SULF1: variants seen among roughly 807,000 people sequenced by gnomAD.
SULF1 encodes sulfatase 1.
A neutral mutation model predicts 110.5 loss-of-function variants in SULF1; 46 were observed. The ratio of observed to expected loss-of-function variants is 0.42; its 90% confidence interval spans 0.33 to 0.53. The LOEUF is 0.53. Ranked by LOEUF, SULF1 falls within the 20% of genes least tolerant of loss-of-function variation. The probability of loss-of-function intolerance (pLI) is 0.12; values close to 1 mark genes in which losing one functional copy is unlikely to be tolerated. For synonymous variants in SULF1, 371 were observed against 387.1 expected, an observed-to-expected ratio of 0.96 and a Z score of 0.49; for missense variants, 941 against 1,094.2, an observed-to-expected ratio of 0.86 and a Z score of 1.98.
chr8:69,626,603 G>A (rs575728698), intron 15 of SULF1, among the ~76,000 whole-genome samples: 2 of 152,368 alleles, frequency 1.3e-5, no homozygotes, highest in African/African-American at 4.8e-5. Context: ...CAGGCATGGC[G>A]GGCTGCAGTC....
At chr8:69,641,515 C>T (rs966009419) in intron 22 of SULF1, among the ~76,000 whole-genome samples, 20 of 151,934 alleles carry the variant, frequency 1.3e-4, no homozygotes, top group South Asian at 4.2e-4. Context: ...GGAGCCCAAG[C>T]GGGAGGATTG....
intron 3 of SULF1, among the ~76,000 whole-genome samples, chr8:69,553,353 A>C (rs1814865475): frequency 6.6e-6 from 1 of 152,200 alleles, no homozygotes; most frequent in Admixed American, 6.5e-5. Context: ...TGTGTTTTCA[A>C]CCCTGATTGA....
chr8:69,573,798 G>T (rs1383972823), intron 5 of SULF1, among the ~76,000 whole-genome samples: 1 of 152,162 alleles, frequency 6.6e-6, no homozygotes, highest in Non-Finnish European at 1.5e-5. Flanking sequence ...CTAAAATGGG[G>T]TTTTAAAATC....
intron 15 of SULF1, among the ~76,000 whole-genome samples, chr8:69,625,521 T>C (rs1299742348): frequency 6.6e-6 from 1 of 152,020 alleles, no homozygotes; most frequent in Non-Finnish European, 1.5e-5. Flanking sequence ...GTGTTCGGAG[T>C]TTCTTCCTTC....
intron 3 of SULF1, among the ~76,000 whole-genome samples, chr8:69,514,992 C>T (rs1350862230): frequency 1.3e-5 from 2 of 152,144 alleles, no homozygotes; most frequent in African/African-American, 2.4e-5. Flanking sequence ...CACAGGCTAG[C>T]ATTGAGTGCC....
Position 69,587,465 on chromosome 8 carries a change from C to A in SULF1, c.564+957C>A, listed in dbSNP as rs1806550428. Among the ~76,000 whole-genome samples the A allele has an allele frequency of 2.0e-5, 3 of 152,118 alleles. 1 individual carries two copies. Among genetic ancestry groups the A allele is most frequent in the Non-Finnish European group, 2.9e-5 (2 of 68,030 alleles). On this transcript the variant is annotated intron_variant, in intron 7 of 22. Coordinates refer to ENST00000402687, the MANE Select transcript of SULF1 (RefSeq NM_001128205.2). Reference sequence around the variant, plus strand: ...TAAGATTAAGTCCAGCTCCTTTATACCCTTCAGAAAACAATGAATGCAAAT... The same window carrying A: ...TAAGATTAAGTCCAGCTCCTTTATAACCTTCAGAAAACAATGAATGCAAAT...
chr8:69,567,590 T>G (rs369136138), intron 5 of SULF1, among the ~76,000 whole-genome samples: 38 of 152,352 alleles, frequency 2.5e-4, no homozygotes, highest in African/African-American at 7.9e-4. Flanking sequence ...ATACAGCATT[T>G]ATCTTTTTAT....
At chr8:69,657,865 T>C (rs1364973987) in intron 22 of SULF1, among the ~76,000 whole-genome samples, 1 of 152,214 alleles carries the variant, frequency 6.6e-6, no homozygotes, top group Non-Finnish European at 1.5e-5. Flanking sequence ...GCTGGTGCCT[T>C]CTTTGCATAT....
At chr8:69,536,824 G>A (rs1336123103) in intron 3 of SULF1, among the ~76,000 whole-genome samples, 2 of 152,150 alleles carry the variant, frequency 1.3e-5, no homozygotes, top group African/African-American at 2.4e-5. Context: ...AGTGGTAACT[G>A]CCAGGAAGTC....
Position 69,621,151 on chromosome 8 carries a change from T to C in SULF1, c.1494T>C (p.His498=), listed in dbSNP as rs375512132. ...STRNLYARGF[H]DKDKECSCRE... is the part of the protein sequence containing the mutation. ...GGAACCTCTACGCTCGCGGCTTCCA[T>C]GACAAAGACAAAGAGTGCAGTTGTA... is the stretch of plus-strand genomic sequence containing the variant. Residue 498 remains histidine (H), a synonymous_variant, in exon 14 of 23, where the codon CAT becomes CAC. Transcript: ENST00000402687. 6 of 1,614,142 alleles carry C rather than the reference T, an allele frequency of 3.7e-6. No homozygotes were observed. The highest frequency in any genetic ancestry group is 5.1e-6 in the Non-Finnish European group (6 of 1,180,010).
intron 22 of SULF1, among the ~76,000 whole-genome samples, chr8:69,650,349 C>T (rs898937393): frequency 1.3e-5 from 2 of 151,978 alleles, no homozygotes; most frequent in African/African-American, 2.4e-5. Flanking sequence ...AGAGATTTCC[C>T]GGCCAGATAT....
chr8:69,525,668 C>T (rs1274896329), intron 3 of SULF1, among the ~76,000 whole-genome samples: 1 of 152,192 alleles, frequency 6.6e-6, no homozygotes, highest in Non-Finnish European at 1.5e-5. Context: ...TCGTGGACTT[C>T]ATCTGAAATG....
rs573027959 is a variant in SULF1 at position 69,631,699 on chromosome 8, G to T, written c.2284+2020G>T. On this transcript the variant is annotated intron_variant, in intron 19 of 22. Coordinates refer to ENST00000402687, the MANE Select transcript of SULF1 (RefSeq NM_001128205.2). ...TCTCTTTATTCCACAAGCATCTCAA[G>T]CTCCCTCTCGCCATGGGGCCTTTGC... Among the ~76,000 whole-genome samples the T allele has an allele frequency of 5.5e-4, 84 of 152,320 alleles. No homozygotes were observed. The Middle Eastern group carries it at 0.01, about 19-fold the overall frequency.
At chr8:69,510,030 A>G (rs940568079) in intron 3 of SULF1, among the ~76,000 whole-genome samples, 1 of 152,252 alleles carries the variant, frequency 6.6e-6, no homozygotes, top group Admixed American at 6.5e-5. Context: ...AATTCTGACT[A>G]TAAAAACATT....
At chr8:69,635,465 A>G (rs1026054111) in intron 19 of SULF1, among the ~76,000 whole-genome samples, 2 of 152,234 alleles carry the variant, frequency 1.3e-5, no homozygotes, top group East Asian at 1.9e-4. Context: ...ATAGTCTATT[A>G]AAATAATTTT....
intron 3 of SULF1, among the ~76,000 whole-genome samples, chr8:69,562,255 A>C (rs1254107178): frequency 6.6e-6 from 1 of 152,196 alleles, no homozygotes; most frequent in East Asian, 1.9e-4. Flanking sequence ...TGTAAAACAA[A>C]ATAATGTGTA....
rs958828402 is a variant in SULF1, at chr8:69,539,657, C to T, written c.-133-23882C>T. On this transcript the variant is annotated intron_variant, in intron 3 of 22. Coordinates refer to ENST00000402687, the MANE Select transcript of SULF1 (RefSeq NM_001128205.2). ...GGCCTCTAGAGGGAAAATAACTGTC[C>T]GATATGCGCAGGGCATTCCTCGAGT... Among the ~76,000 whole-genome samples the T allele has an allele frequency of 5.5e-4, 64 of 116,666 alleles. 1 individual carries two copies. Among genetic ancestry groups the T allele is most frequent in the South Asian group, 1.8e-3 (6 of 3,346 alleles). 76.5% of individuals were successfully genotyped at this position (116,666 alleles called of 152,430 possible).
chr8:69,544,126 T>C (rs1322392706), intron 3 of SULF1, among the ~76,000 whole-genome samples: 2 of 152,216 alleles, frequency 1.3e-5, no homozygotes, highest in African/African-American at 2.4e-5. Context: ...TATTAATAAC[T>C]TTAGAGTTTA....
At chr8:69,568,779 G>A (rs1804999493) in intron 5 of SULF1, among the ~76,000 whole-genome samples, 1 of 152,186 alleles carries the variant, frequency 6.6e-6, no homozygotes, top group Admixed American at 6.5e-5. Flanking sequence ...GCAAGGAAGT[G>A]ATCAACATAA....
Sources: gnomAD v4.1 joint callset for allele counts (sites outside exome capture counted in the v4.1 genomes callset) on GRCh38, gnomAD v4.1.1 for gene constraint, MANE v1.5 for transcripts, NCBI Gene and HGNC (gene_info 2026-07-23, HGNC 2026-07-21) for gene names.